The following NDNF variants were observed in gnomAD, a reference collection of about 807,000 sequenced individuals.
The protein encoded by NDNF is neuron derived neurotrophic factor.
A neutral mutation model predicts 42.0 loss-of-function variants in NDNF; 16 were observed. The observed-to-expected ratio is 0.38, with a 90% CI of 0.26 to 0.58. The LOEUF (loss-of-function observed/expected upper bound fraction) is 0.58. Among genes scored for constraint, NDNF ranks in the 20% least tolerant of loss-of-function variants. The pLI is 0.67. For missense variants in NDNF, 616 were observed against 666.2 expected (o/e 0.92, Z 0.83); for synonymous variants, 248 against 251.7 (o/e 0.99, Z 0.14).
intron 3 of NDNF, among the ~76,000 whole-genome samples, chr4:121,039,364 T>G (rs571135991): frequency 6.6e-6 from 1 of 151,312 alleles, no homozygotes; most frequent in African/African-American, 2.4e-5. Context: ...TTTATTTTAT[T>G]TGCTCTCTAT....
rs112023032 is a variant in NDNF at position 121,039,632 on chromosome 4, C to T, written c.313+298G>A. ...CATCAGCAGTTTTTAAAGCCTTATA[C>T]GTACGTGATTAGGATGTTTAGGCAA... On this transcript the variant is annotated intron_variant, in intron 3 of 3. Transcript: ENST00000379692. 1.1e-4 allele frequency among the ~76,000 whole-genome samples: 17 copies of T among 152,156 alleles called. 1 individual carries two copies. The highest frequency in any genetic ancestry group is 3.1e-4 in the African/African-American group (13 of 41,516).
In NDNF at chr4:121,045,770, G is replaced by A; in HGVS notation, c.68C>T (p.Pro23Leu). The A allele has an allele frequency of 6.2e-7, 1 of 1,614,136 alleles. No homozygotes were observed. The highest frequency in any genetic ancestry group is 8.5e-7 in the Non-Finnish European group (1 of 1,180,032). ...FPLSSRTQKL[P>L]TRDEELFQMQ... ...CTGAAAAAGTTCCTCATCCCGGGTGGGTAACTTCTGGGTCCTTGAGCTGAG... is the reference window on the plus strand; with the variant it reads ...CTGAAAAAGTTCCTCATCCCGGGTGAGTAACTTCTGGGTCCTTGAGCTGAG... The change falls in exon 2 of 4, where the codon CCC becomes CTC. Residue 23 changes from proline to leucine, a missense_variant. By Grantham distance (98) the Pro-to-Leu change is moderately conservative. Coordinates refer to ENST00000379692, the MANE Select transcript of NDNF (RefSeq NM_024574.4).
chr4:121,067,060 T>C (rs1361784989), intron 1 of NDNF, among the ~76,000 whole-genome samples: 1 of 152,236 alleles, frequency 6.6e-6, no homozygotes, highest in Non-Finnish European at 1.5e-5. Flanking sequence ...TTGGTTTTTA[T>C]ATTTAAAAGT....
intron 1 of NDNF, among the ~76,000 whole-genome samples, chr4:121,051,934 G>A (rs1478896496): frequency 6.6e-6 from 1 of 152,194 alleles, no homozygotes; most frequent in Non-Finnish European, 1.5e-5. Flanking sequence ...AAATCTGGTA[G>A]ATAGAAAGTT....
chr4:121,070,499 G>A (rs1727571955), intron 1 of NDNF, among the ~76,000 whole-genome samples: 1 of 152,108 alleles, frequency 6.6e-6, no homozygotes, highest in African/African-American at 2.4e-5. Context: ...CCGGGTGGGA[G>A]GAGGAGAGGA....
intron 1 of NDNF, among the ~76,000 whole-genome samples, chr4:121,069,934 C>G (rs998183260): frequency 6.6e-6 from 1 of 151,936 alleles, no homozygotes; most frequent in Non-Finnish European, 1.5e-5. Context: ...GGAATTGGGA[C>G]CATAATTAAT....
chr4:121,060,738 T>C (rs1420133259), intron 1 of NDNF, among the ~76,000 whole-genome samples: 1 of 152,178 alleles, frequency 6.6e-6, no homozygotes, highest in Non-Finnish European at 1.5e-5. Context: ...CTTCATTCTG[T>C]GGGCCTAATC....
intron 2 of NDNF, among the ~76,000 whole-genome samples, chr4:121,043,844 T>C (rs932814919): frequency 6.6e-6 from 1 of 152,152 alleles, no homozygotes; most frequent in Non-Finnish European, 1.5e-5. Context: ...AAGGACAAAA[T>C]AATATGAAAA....
intron 1 of NDNF, among the ~76,000 whole-genome samples, chr4:121,046,862 A>C (rs1727102750): frequency 6.6e-6 from 1 of 152,208 alleles, no homozygotes; most frequent in African/African-American, 2.4e-5. Flanking sequence ...GTTCCTTGAC[A>C]TGACAGGTCT....
chr4:121,064,654 G>A (rs1579322705), intron 1 of NDNF, among the ~76,000 whole-genome samples: 1 of 151,966 alleles, frequency 6.6e-6, no homozygotes, highest in Non-Finnish European at 1.5e-5. Flanking sequence ...TCTTTTCAAC[G>A]TCTCTCACTC....
intron 1 of NDNF, among the ~76,000 whole-genome samples, chr4:121,062,586 TAG>T (rs1262959383): frequency 3.3e-5 from 5 of 152,230 alleles, no homozygotes; most frequent in Non-Finnish European, 7.3e-5. Context: ...TTACAACAAT[TAG>T]AGAGATGACA....
At position 121,072,531 on chromosome 4, in the gene NDNF, AGT is replaced by A. The variant is rs1477674567; in HGVS notation, c.-542_-541del. On this transcript the variant is annotated 5_prime_UTR_variant, in exon 1 of 4. Coordinates refer to ENST00000379692, the MANE Select transcript of NDNF (RefSeq NM_024574.4). ...CACTCTCTCGCGGCTGGAAGTGGGG[AGT>A]GTGTGTTCGCTCCCGAGTGTCACTG... 6.6e-6 allele frequency: 1 copy of A among 151,224 alleles called. No homozygotes were observed. The highest frequency in any genetic ancestry group is 2.0e-4 in the East Asian group (1 of 5,090). 9.4% of individuals were successfully genotyped at this position (151,224 alleles called of 1,614,324 possible). A position where few individuals can be genotyped will look rare whatever the true frequency, so the allele number is the denominator to read the frequency against.
rs573045193 is a variant in NDNF, at chr4:121,059,018, G to T, written c.-2+12975C>A. On this transcript the variant is annotated intron_variant, in intron 1 of 3. Coordinates refer to ENST00000379692, the MANE Select transcript of NDNF (RefSeq NM_024574.4). ...CCTCTGCTTCATATTCCCAGCAAGT[G>T]CCTCTAGCCTGGGCACAGGCTACTT... 3.9e-5 allele frequency among the ~76,000 whole-genome samples: 6 copies of T among 151,950 alleles called. No individual in the cohort carries two copies. The South Asian group carries it at 1.0e-3, about 26-fold the overall frequency.
At chr4:121,051,361 C>T (rs1428669145) in intron 1 of NDNF, among the ~76,000 whole-genome samples, 6 of 152,106 alleles carry the variant, frequency 3.9e-5, no homozygotes, top group Non-Finnish European at 8.8e-5. Context: ...AATTCTAAGC[C>T]TTTCTTTAGC....
intron 1 of NDNF, among the ~76,000 whole-genome samples, chr4:121,048,788 A>C (rs1727139492): frequency 6.6e-6 from 1 of 152,194 alleles, no homozygotes. Flanking sequence ...TAGTGAGCCA[A>C]GATCACGCCA....
In NDNF at chr4:121,072,492, T is replaced by C. The variant is rs937157579; in HGVS notation, c.-501A>G. On this transcript the variant is annotated 5_prime_UTR_variant, in exon 1 of 4. Coordinates refer to ENST00000379692, the MANE Select transcript of NDNF (RefSeq NM_024574.4). ...GCGGCAGCGGCCGTGGCGGGTGCGCTGCTCAGTTAGCTCCACTCTCTCGCG... is the reference window on the plus strand; with the variant it reads ...GCGGCAGCGGCCGTGGCGGGTGCGCCGCTCAGTTAGCTCCACTCTCTCGCG... The C allele has an allele frequency of 7.9e-5, 12 of 151,330 alleles. No homozygotes were observed. Among genetic ancestry groups the C allele is most frequent in the Non-Finnish European group, 1.6e-4 (11 of 67,464 alleles). The allele number at this position is 151,330 out of a possible 1,614,324, so 9.4% of individuals were successfully genotyped here.
rs1726852345 is a variant in NDNF, at chr4:121,035,806, T to C, written c.*458A>G. 6.5e-6 allele frequency: 1 copy of C among 152,892 alleles called. No individual in the cohort carries two copies. 9.5% of individuals were successfully genotyped at this position (152,892 alleles called of 1,614,324 possible). The stretch of plus-strand genomic sequence containing the variant: ...TACTTAGATTAGATCTGTACTTTAA[T>C]AGGAAAAGAATTTAATAGTTTACAA... On this transcript the variant is annotated 3_prime_UTR_variant, in exon 4 of 4. Transcript: ENST00000379692.
chr4:121,063,912 T>C (rs148936951), intron 1 of NDNF, among the ~76,000 whole-genome samples: 1 of 152,352 alleles, frequency 6.6e-6, no homozygotes, highest in Non-Finnish European at 1.5e-5. Context: ...GAAATAATTA[T>C]CTACAAGTGA....
chr4:121,043,966 G>C (rs1006357471), intron 2 of NDNF, among the ~76,000 whole-genome samples: 3 of 152,224 alleles, frequency 2.0e-5, no homozygotes, highest in Non-Finnish European at 4.4e-5. Context: ...TCAGGACCAA[G>C]AGAGCAAGTT....
Sources: allele counts gnomAD v4.1 joint callset (sites outside exome capture counted in the v4.1 genomes callset), GRCh38; gene constraint gnomAD v4.1.1; transcripts MANE v1.5; gene names NCBI Gene and HGNC (gene_info 2026-07-23, HGNC 2026-07-21).